Variants in RCAN2 observed in about 807,000 individuals in gnomAD.
RCAN2 encodes regulator of calcineurin 2.
RCAN2 carries 9 observed loss-of-function variants against 23.6 expected under a neutral mutation model. The observed-to-expected ratio is 0.38, with a 90% confidence interval of 0.23 to 0.67. The LOEUF is 0.67. RCAN2 is among the 30% of genes least tolerant of loss of function. The probability of loss-of-function intolerance (pLI) is 0.51; values close to 1 mark genes in which losing one functional copy is unlikely to be tolerated. For missense variants in RCAN2, 273 were observed against 302.3 expected, an observed-to-expected ratio of 0.90 and a Z score of 0.72; for synonymous variants, 109 against 115.7, an observed-to-expected ratio of 0.94 and a Z score of 0.37.
intron 2 of RCAN2, among the ~76,000 whole-genome samples, chr6:46,323,874 A>G (rs913037480): frequency 2.6e-5 from 4 of 152,230 alleles, no homozygotes; most frequent in South Asian, 2.1e-4. Context: ...CAGATCTCCA[A>G]TAAATATTTT....
Position 46,273,438 on chromosome 6 carries a change from T to C in RCAN2, c.226-24542A>G, listed in dbSNP as rs144457585. Among the ~76,000 whole-genome samples the C allele has an allele frequency of 2.1e-3, 314 of 152,346 alleles. 1 individual carries two copies. Among genetic ancestry groups the C allele is most frequent in the African/African-American group, 7.4e-3 (306 of 41,570 alleles). The stretch of plus-strand genomic sequence containing the variant: ...TGTTGTCTACCTTTGATATTGATTA[T>C]ATCATTGATGTTCATAACCCTCTGA... On this transcript the variant is annotated intron_variant, in intron 2 of 4. Coordinates refer to ENST00000371374, the MANE Select transcript of RCAN2 (RefSeq NM_001251974.2).
At chr6:46,450,774 G>A (rs1242735295) in intron 2 of RCAN2, among the ~76,000 whole-genome samples, 1 of 152,056 alleles carries the variant, frequency 6.6e-6, no homozygotes, top group Non-Finnish European at 1.5e-5. Context: ...GTACTTACCA[G>A]GGGCTGGGAA....
chr6:46,395,996 C>G (rs1766078894), intron 2 of RCAN2, among the ~76,000 whole-genome samples: 1 of 152,144 alleles, frequency 6.6e-6, no homozygotes, highest in Non-Finnish European at 1.5e-5. Context: ...TTTCCTAGAA[C>G]ATATTTCAAG....
intron 2 of RCAN2, among the ~76,000 whole-genome samples, chr6:46,271,622 TAAC>T (rs927796812): frequency 1.3e-4 from 20 of 152,182 alleles, no homozygotes. Flanking sequence ...TGCAGCTGTA[TAAC>T]AAAAATTTGA....
chr6:46,229,513 T>C (rs1765801818), intron 4 of RCAN2, among the ~76,000 whole-genome samples: 1 of 152,198 alleles, frequency 6.6e-6, no homozygotes, highest in Non-Finnish European at 1.5e-5. Context: ...CTTCATTTCA[T>C]TCATTTGATC....
intron 2 of RCAN2, among the ~76,000 whole-genome samples, chr6:46,311,283 T>C (rs1203803895): frequency 6.6e-6 from 1 of 152,188 alleles, no homozygotes; most frequent in Admixed American, 6.5e-5. Context: ...GGCTGTATCA[T>C]GGGTTCTGTT....
intron 2 of RCAN2, among the ~76,000 whole-genome samples, chr6:46,379,469 G>T (rs1174325372): frequency 6.6e-6 from 1 of 152,164 alleles, no homozygotes; most frequent in Non-Finnish European, 1.5e-5. Context: ...AATGAATTGG[G>T]AAGGTTTTTA....
chr6:46,454,520 C>T, intron 2 of RCAN2, among the ~76,000 whole-genome samples: 1 of 151,576 alleles, frequency 6.6e-6, no homozygotes, highest in South Asian at 2.1e-4. Context: ...AAAGACTGTC[C>T]ACAAAAGGAA....
At chr6:46,293,495 T>C (rs1762631103) in intron 2 of RCAN2, among the ~76,000 whole-genome samples, 1 of 152,206 alleles carries the variant, frequency 6.6e-6, no homozygotes, top group South Asian at 2.1e-4. Context: ...TAGAGAGCTC[T>C]TTCTACTTGT....
Position 46,433,340 on chromosome 6 carries a change from C to T in RCAN2, c.225+23412G>A, listed in dbSNP as rs112950798. Among the ~76,000 whole-genome samples, 688 of 152,270 alleles carry T rather than the reference C, an allele frequency of 4.5e-3. 2 individuals are homozygous for T. Among genetic ancestry groups the T allele is most frequent in the Middle Eastern group, 0.014 (4 of 294 alleles). On this transcript the variant is annotated intron_variant, in intron 2 of 4. Coordinates refer to ENST00000371374, the MANE Select transcript of RCAN2 (RefSeq NM_001251974.2). ...ATAATACAATTCACCCTCACTCCTACCCGAGTCCCACCAAGGATATCCATG... is the reference window on the plus strand; with the variant it reads ...ATAATACAATTCACCCTCACTCCTATCCGAGTCCCACCAAGGATATCCATG...
intron 2 of RCAN2, among the ~76,000 whole-genome samples, chr6:46,443,317 T>G (rs1018960375): frequency 6.6e-6 from 1 of 152,170 alleles, no homozygotes; most frequent in African/African-American, 2.4e-5. Context: ...CAGTGATACT[T>G]AAACCATAGT....
intron 2 of RCAN2, among the ~76,000 whole-genome samples, chr6:46,386,365 A>C (rs1018573222): frequency 3.3e-5 from 5 of 152,040 alleles, no homozygotes; most frequent in Non-Finnish European, 7.4e-5. Context: ...CTGAGAGGCC[A>C]AGGCGAGTGA....
intron 2 of RCAN2, among the ~76,000 whole-genome samples, chr6:46,267,772 C>A (rs1392043589): frequency 6.6e-6 from 1 of 152,058 alleles, no homozygotes. Context: ...CTGAAGGAGT[C>A]TTCTATACTT....
At chr6:46,225,945 C>A (rs1765650021) in intron 4 of RCAN2, among the ~76,000 whole-genome samples, 2 of 152,166 alleles carry the variant, frequency 1.3e-5, no homozygotes. Flanking sequence ...TTTAATCCAT[C>A]TTGAATTAAT....
Position 46,357,279 on chromosome 6 carries a change from A to G in RCAN2, c.225+99473T>C, listed in dbSNP as rs545552004. Among the ~76,000 whole-genome samples, 192 of 152,334 alleles carry G rather than the reference A, an allele frequency of 1.3e-3. 1 individual carries two copies. The highest frequency in any genetic ancestry group is 2.4e-3 in the Non-Finnish European group (160 of 68,030). ...GCTAAATATGGAGTTTCTCACTAAA[A>G]CAGACAGTAATCAGACCCGATAGAA... On this transcript the variant is annotated intron_variant, in intron 2 of 4. Transcript: ENST00000371374.
chr6:46,412,788 C>A (rs376434980), intron 2 of RCAN2, among the ~76,000 whole-genome samples: 15 of 152,214 alleles, frequency 9.9e-5, no homozygotes, highest in South Asian at 2.1e-4. Flanking sequence ...GATGAGGAGG[C>A]AAGAGGAGTT....
intron 2 of RCAN2, among the ~76,000 whole-genome samples, chr6:46,442,583 T>C (rs1488795276): frequency 5.3e-5 from 8 of 152,236 alleles, no homozygotes. Context: ...GGGTTCCAAG[T>C]ACTCATTTTT....
At position 46,488,890 on chromosome 6, in the gene RCAN2, G is replaced by A. The variant is rs183055105; in HGVS notation, c.-3+2283C>T. Among the ~76,000 whole-genome samples the A allele has an allele frequency of 9.3e-4, 142 of 152,070 alleles. 3 individuals carry two copies. The highest frequency in any genetic ancestry group is 2.9e-4 in the Non-Finnish European group (20 of 67,998). ...AGTTTTCTGGTTTTTGTTTTGTTTTGGTCTGTGCCACTCCAATGGTCTAAA... is the reference window on the plus strand; with the variant it reads ...AGTTTTCTGGTTTTTGTTTTGTTTTAGTCTGTGCCACTCCAATGGTCTAAA... On this transcript the variant is annotated intron_variant, in intron 1 of 4. Transcript: ENST00000371374.
At chr6:46,298,072 T>C (rs1762776501) in intron 2 of RCAN2, among the ~76,000 whole-genome samples, 1 of 152,148 alleles carries the variant, frequency 6.6e-6, no homozygotes. Context: ...GAGTCGTTAA[T>C]TTATGTAAAT....
Sources: allele counts gnomAD v4.1 joint callset (sites outside exome capture counted in the v4.1 genomes callset), GRCh38; gene constraint gnomAD v4.1.1; transcripts MANE v1.5; gene names NCBI Gene and HGNC (gene_info 2026-07-23, HGNC 2026-07-21).